NEUROG1: variants seen among roughly 807,000 people sequenced by gnomAD.
NEUROG1 encodes the protein neurogenin-1.
NEUROG1 carries 5 observed loss-of-function variants against 5.7 expected under a neutral mutation model. That is an observed-to-expected ratio of 0.88 (90% CI 0.46 to 1.85). The LOEUF (loss-of-function observed/expected upper bound fraction) is 1.85. Among genes scored for constraint, NEUROG1 ranks in the 40% most tolerant of loss-of-function variants. The pLI is 0.01. For missense variants in NEUROG1, 403 were observed against 345.7 expected (o/e 1.17, Z -1.32); for synonymous variants, 196 against 157.4 (o/e 1.25, Z -1.84).
chr5:135,535,473 C>A lies in NEUROG1; in HGVS notation c.218G>T (p.Arg73Leu). ...GCGGACCCGCGTCCGGCCGCGGCGC[C>A]GCCGCCTCTCCTGCTCGTCGTCCTG... ...GAQDDEQERR[R>L]RRGRTRVRSE... The change falls in exon 1 of 1, where the codon CGG (arginine) becomes CTG (leucine). Residue 73 changes from arginine to leucine, a missense_variant. By Grantham distance (102) the Arg-to-Leu change is moderately radical. Coordinates refer to ENST00000314744, the MANE Select transcript of NEUROG1 (RefSeq NM_006161.3). 6.4e-7 allele frequency: 1 copy of A among 1,565,106 alleles called. No homozygotes were observed.
rs778946606 is a variant in NEUROG1 at position 135,535,716 on chromosome 5, CAGAT to C, written c.-30_-27del. On this transcript the variant is annotated 5_prime_UTR_variant, in exon 1 of 1. Coordinates refer to ENST00000314744, the MANE Select transcript of NEUROG1 (RefSeq NM_006161.3). ...CGTTGCGCTGTGCAGGACCGACGGA[CAGAT>C]AGAAAGGCGCTCAGAGCGCTGCAGC... 5.3e-6 allele frequency: 8 copies of C among 1,497,160 alleles called. No individual in the cohort carries two copies. The East Asian group carries it at 1.2e-4, about 23-fold the overall frequency. The allele number at this position is 1,497,160 out of a possible 1,614,324, so 92.7% of individuals were successfully genotyped here.
Position 135,535,881 on chromosome 5 carries a change from C to G in NEUROG1, c.-191G>C. The G allele has an allele frequency of 2.0e-6, 1 of 495,416 alleles. No individual in the cohort carries two copies. Among genetic ancestry groups the G allele is most frequent in the Non-Finnish European group, 3.5e-6 (1 of 286,394 alleles). The allele number at this position is 495,416 out of a possible 1,614,324, so 30.7% of individuals were successfully genotyped here. ...AGAACTTGGCCTGGCCTCCTCGCCT[C>G]GCCTGCAGGGGCCACGCGCCCGGCC... On this transcript the variant is annotated 5_prime_UTR_variant, in exon 1 of 1. Coordinates refer to ENST00000314744, the MANE Select transcript of NEUROG1 (RefSeq NM_006161.3).
rs1742931989 is a variant in NEUROG1, at chr5:135,535,815, G to T, written c.-125C>A. Reference sequence around the variant, plus strand: ...AGCCTGGGGTTGTTACTCTGTGCCAGTTGCGGGTGCGAGAGCCTGGAAGGG... The same window carrying T: ...AGCCTGGGGTTGTTACTCTGTGCCATTTGCGGGTGCGAGAGCCTGGAAGGG... On this transcript the variant is annotated 5_prime_UTR_variant, in exon 1 of 1. It adds an upstream start codon to the 5' untranslated region. Transcript: ENST00000314744. The T allele has an allele frequency of 1.1e-6, 1 of 935,100 alleles. No homozygotes were observed. Among genetic ancestry groups the T allele is most frequent in the Non-Finnish European group, 1.5e-6 (1 of 650,478 alleles). The allele number at this position is 935,100 out of a possible 1,614,324, so 57.9% of individuals were successfully genotyped here.
rs1750486521 is a variant in NEUROG1, at chr5:135,534,343, C to T, written c.*634G>A. 3 of 152,556 alleles carry T rather than the reference C, an allele frequency of 2.0e-5. No individual in the cohort carries two copies. The South Asian group carries it at 6.2e-4, about 32-fold the overall frequency. 9.5% of individuals were successfully genotyped at this position (152,556 alleles called of 1,614,324 possible). ...TACAAAAATGTAAACTTTGATAGCTCATAATAGAATAAACTCTTTATGTAC... is the reference window on the plus strand; with the variant it reads ...TACAAAAATGTAAACTTTGATAGCTTATAATAGAATAAACTCTTTATGTAC... On this transcript the variant is annotated 3_prime_UTR_variant, in exon 1 of 1. Coordinates refer to ENST00000314744, the MANE Select transcript of NEUROG1 (RefSeq NM_006161.3).
Position 135,534,544 on chromosome 5 carries a change from C to T in NEUROG1, c.*433G>A, listed in dbSNP as rs1378710738. 6.1e-6 allele frequency: 1 copy of T among 164,832 alleles called. No homozygotes were observed. The highest frequency in any genetic ancestry group is 2.4e-5 in the African/African-American group (1 of 41,602). The allele number at this position is 164,832 out of a possible 1,614,324, so 10.2% of individuals were successfully genotyped here. On this transcript the variant is annotated 3_prime_UTR_variant, in exon 1 of 1. Coordinates refer to ENST00000314744, the MANE Select transcript of NEUROG1 (RefSeq NM_006161.3). ...CTTGTCTCTGCTTTTTAAGCCTTTT[C>T]ATTGTATTGTCAGCCGGCTCAAACC...
rs1346815631 is a variant in NEUROG1 at position 135,535,526 on chromosome 5, G to C, written c.165C>G (p.Ile55Met). 2 of 1,574,258 alleles carry C rather than the reference G, an allele frequency of 1.3e-6. No homozygotes were observed. Among genetic ancestry groups the C allele is most frequent in the Non-Finnish European group, 8.6e-7 (1 of 1,167,124 alleles). ...PAPARRGAPN[I>M]SRASEVPGAQ... ...CCCCTGGAACCTCAGACGCCCGGGA[G>C]ATATTGGGCGCGCCCCTGCGGGCCG... The change falls in exon 1 of 1, where the codon ATC becomes ATG. Residue 55 changes from isoleucine (I) to methionine (M), a missense_variant. Transcript: ENST00000314744.
Position 135,534,719 on chromosome 5 carries a change from G to T in NEUROG1, c.*258C>A. Reference sequence around the variant, plus strand: ...CTGAGCCAGTCACAAAGGAGGTTTTGTGGAGTTCAGAAAGTGCAAAAGGAA... The same window carrying T: ...CTGAGCCAGTCACAAAGGAGGTTTTTTGGAGTTCAGAAAGTGCAAAAGGAA... On this transcript the variant is annotated 3_prime_UTR_variant, in exon 1 of 1. Coordinates refer to ENST00000314744, the MANE Select transcript of NEUROG1 (RefSeq NM_006161.3). The T allele has an allele frequency of 2.0e-6, 1 of 498,554 alleles. No homozygotes were observed. The highest frequency in any genetic ancestry group is 3.5e-6 in the Non-Finnish European group (1 of 284,556). The allele number at this position is 498,554 out of a possible 1,614,324, so 30.9% of individuals were successfully genotyped here. A position where few individuals can be genotyped will look rare whatever the true frequency, so the allele number is the denominator to read the frequency against.
rs1250572363 is a variant in NEUROG1, at chr5:135,535,428, G to T, written c.263C>A (p.Ser88Ter). Residue 88 changes from serine to a stop codon, truncating the protein, a stop_gained, in exon 1 of 1, where the codon TCG (serine) becomes TAG (stop). Coordinates refer to ENST00000314744, the MANE Select transcript of NEUROG1 (RefSeq NM_006161.3). LOFTEE classifies it high-confidence loss of function. ...CTTGACGCGCCGGCTCCTGCGCAGCGAGTGCAGCAGCGCCTCGGAGCGGAC... is the reference window on the plus strand; with the variant it reads ...CTTGACGCGCCGGCTCCTGCGCAGCTAGTGCAGCAGCGCCTCGGAGCGGAC... ...TRVRSEALLH[S>*]LRRSRRVKAN... 2 of 1,593,504 alleles carry T rather than the reference G, an allele frequency of 1.3e-6. No homozygotes were observed. Among genetic ancestry groups the T allele is most frequent in the Non-Finnish European group, 1.7e-6 (2 of 1,170,890 alleles).
In NEUROG1 at chr5:135,535,493, G is replaced by T. The variant is rs1261229301; in HGVS notation, c.198C>A (p.Asp66Glu). ...GGCGCCGCCGCCTCTCCTGCTCGTC[G>T]TCCTGTGCCCCTGGAACCTCAGACG... ...SRASEVPGAQ[D>E]DEQERRRRRG... The change falls in exon 1 of 1, where the codon GAC (aspartate) becomes GAA (glutamate). Residue 66 changes from aspartate (D) to glutamate (E), a missense_variant. Physicochemically the swap from Asp to Glu is conservative, Grantham distance 45. Coordinates refer to ENST00000314744, the MANE Select transcript of NEUROG1 (RefSeq NM_006161.3). 6.4e-7 allele frequency: 1 copy of T among 1,572,868 alleles called. No homozygotes were observed. Among genetic ancestry groups the T allele is most frequent in the South Asian group, 1.2e-5 (1 of 86,146 alleles).
In NEUROG1 at chr5:135,535,397, G is replaced by C; in HGVS notation, c.294C>G (p.Asn98Lys). The C allele has an allele frequency of 6.2e-7, 1 of 1,608,876 alleles. No individual in the cohort carries two copies. The highest frequency in any genetic ancestry group is 8.5e-7 in the Non-Finnish European group (1 of 1,177,824). Reference sequence around the variant, plus strand: ...TGTGCATGCGGTTGCGCTCGCGATCGTTGGCCTTGACGCGCCGGCTCCTGC... The same window carrying C: ...TGTGCATGCGGTTGCGCTCGCGATCCTTGGCCTTGACGCGCCGGCTCCTGC... Reference protein sequence around the residue: ...SLRRSRRVKANDRERNRMHNL... With the variant: ...SLRRSRRVKAKDRERNRMHNL... Residue 98 changes from asparagine to lysine, a missense_variant, in exon 1 of 1, where the codon AAC (asparagine) becomes AAG (lysine). Physicochemically the swap from Asn to Lys is moderately conservative, Grantham distance 94 (BLOSUM62 0). Transcript: ENST00000314744.
At position 135,535,356 on chromosome 5, in the gene NEUROG1, A is replaced by C; in HGVS notation, c.335T>G (p.Leu112Arg). 2 of 1,613,162 alleles carry C rather than the reference A, an allele frequency of 1.2e-6. No homozygotes were observed. Among genetic ancestry groups the C allele is most frequent in the Non-Finnish European group, 1.7e-6 (2 of 1,179,558 alleles). The change falls in exon 1 of 1, where the codon CTG becomes CGG. Residue 112 changes from leucine to arginine, a missense_variant. Coordinates refer to ENST00000314744, the MANE Select transcript of NEUROG1 (RefSeq NM_006161.3). ...RNRMHNLNAA[L>R]DALRSVLPSF... is the part of the protein sequence containing the mutation. ...GGGCAGCACGCTGCGCAGTGCGTCCAGGGCCGCGTTCAAGTTGTGCATGCG... is the reference window on the plus strand; with the variant it reads ...GGGCAGCACGCTGCGCAGTGCGTCCCGGGCCGCGTTCAAGTTGTGCATGCG...
Position 135,535,798 on chromosome 5 carries a change from G to T in NEUROG1, c.-108C>A. The T allele has an allele frequency of 9.3e-7, 1 of 1,080,360 alleles. No individual in the cohort carries two copies. 66.9% of individuals were successfully genotyped at this position (1,080,360 alleles called of 1,614,324 possible). ...GCACTTACGTTCCCAACAGCCTGGG[G>T]TTGTTACTCTGTGCCAGTTGCGGGT... On this transcript the variant is annotated 5_prime_UTR_variant, in exon 1 of 1. Transcript: ENST00000314744.
chr5:135,534,851 C>CCCCG lies in NEUROG1; in HGVS notation c.*122_*125dup, dbSNP rs1750497935. 2 of 943,994 alleles carry CCCCG rather than the reference C, an allele frequency of 2.1e-6. No homozygotes were observed. Among genetic ancestry groups the CCCCG allele is most frequent in the Non-Finnish European group, 3.1e-6 (2 of 641,580 alleles). 58.5% of individuals were successfully genotyped at this position (943,994 alleles called of 1,614,324 possible). A position where few individuals can be genotyped will look rare whatever the true frequency, so the allele number is the denominator to read the frequency against. On this transcript the variant is annotated 3_prime_UTR_variant, in exon 1 of 1. Coordinates refer to ENST00000314744, the MANE Select transcript of NEUROG1 (RefSeq NM_006161.3). The stretch of plus-strand genomic sequence containing the variant: ...GCGACCTAACAAGCGGCTCAGGTAT[C>CCCCG]CCCGACTGCTTTAAAGCTCCCGCTT...
In NEUROG1 at chr5:135,534,854, C is replaced by T. The variant is rs1750498030; in HGVS notation, c.*123G>A. Reference sequence around the variant, plus strand: ...ACCTAACAAGCGGCTCAGGTATCCCCGACTGCTTTAAAGCTCCCGCTTCCT... The same window carrying T: ...ACCTAACAAGCGGCTCAGGTATCCCTGACTGCTTTAAAGCTCCCGCTTCCT... On this transcript the variant is annotated 3_prime_UTR_variant, in exon 1 of 1. Coordinates refer to ENST00000314744, the MANE Select transcript of NEUROG1 (RefSeq NM_006161.3). The T allele has an allele frequency of 8.1e-6, 8 of 987,046 alleles. No homozygotes were observed. The highest frequency in any genetic ancestry group is 3.0e-5 in the Admixed American group (1 of 33,700). 61.1% of individuals were successfully genotyped at this position (987,046 alleles called of 1,614,324 possible). A position where few individuals can be genotyped will look rare whatever the true frequency, so the allele number is the denominator to read the frequency against.
chr5:135,535,076 G>T lies in NEUROG1; in HGVS notation c.615C>A (p.Ser205=). The T allele has an allele frequency of 3.7e-6, 6 of 1,613,744 alleles. No individual in the cohort carries two copies. Among genetic ancestry groups the T allele is most frequent in the Non-Finnish European group, 5.1e-6 (6 of 1,179,870 alleles). Residue 205 remains serine, a synonymous_variant, in exon 1 of 1, where the codon TCC becomes TCA. Coordinates refer to ENST00000314744, the MANE Select transcript of NEUROG1 (RefSeq NM_006161.3). ...CGCCGGGGCGGTAGGTGAAGTCTTC[G>T]GAGGCGGCTGGGCTACTGGGGTCAG... ...PLSDPSSPAA[S]EDFTYRPGDP...
chr5:135,534,889 T>A lies in NEUROG1; in HGVS notation c.*88A>T. 1 of 1,362,094 alleles carries A rather than the reference T, an allele frequency of 7.3e-7. No homozygotes were observed. Among genetic ancestry groups the A allele is most frequent in the Non-Finnish European group, 1.0e-6 (1 of 998,324 alleles). 84.4% of individuals were successfully genotyped at this position (1,362,094 alleles called of 1,614,324 possible). ...AAAGCTCCCGCTTCCTCCCTCCGCC[T>A]GGAGAGGGGGTCCCGAGGCGGCAGC... On this transcript the variant is annotated 3_prime_UTR_variant, in exon 1 of 1. Coordinates refer to ENST00000314744, the MANE Select transcript of NEUROG1 (RefSeq NM_006161.3).
Position 135,535,450 on chromosome 5 carries a change from G to A in NEUROG1, c.241C>T (p.Arg81Cys), listed in dbSNP as rs1416004071. ...RRRRRGRTRV[R>C]SEALLHSLRR... ...AGCGAGTGCAGCAGCGCCTCGGAGC[G>A]GACCCGCGTCCGGCCGCGGCGCCGC... The change falls in exon 1 of 1, where the codon CGC (arginine) becomes TGC (cysteine). Residue 81 changes from arginine (R) to cysteine (C), a missense_variant. Coordinates refer to ENST00000314744, the MANE Select transcript of NEUROG1 (RefSeq NM_006161.3). The A allele has an allele frequency of 3.2e-6, 5 of 1,575,282 alleles. No individual in the cohort carries two copies. Among genetic ancestry groups the A allele is most frequent in the Non-Finnish European group, 4.3e-6 (5 of 1,163,810 alleles).
At position 135,535,502 on chromosome 5, in the gene NEUROG1, C is replaced by T. The variant is rs1750520633; in HGVS notation, c.189G>A (p.Gly63=). ...GCCTCTCCTGCTCGTCGTCCTGTGC[C>T]CCTGGAACCTCAGACGCCCGGGAGA... The part of the protein sequence containing the change: ...PNISRASEVP[G]AQDDEQERRR... Residue 63 remains glycine (G), a synonymous_variant, in exon 1 of 1, where the codon GGG becomes GGA. Transcript: ENST00000314744. The T allele has an allele frequency of 6.3e-7, 1 of 1,576,588 alleles. No homozygotes were observed.
In NEUROG1 at chr5:135,535,780, C is replaced by T; in HGVS notation, c.-90G>A. ...GGGCAGAGCCGCCAGGGCGCACTTACGTTCCCAACAGCCTGGGGTTGTTAC... is the reference window on the plus strand; with the variant it reads ...GGGCAGAGCCGCCAGGGCGCACTTATGTTCCCAACAGCCTGGGGTTGTTAC... On this transcript the variant is annotated 5_prime_UTR_variant, in exon 1 of 1. Coordinates refer to ENST00000314744, the MANE Select transcript of NEUROG1 (RefSeq NM_006161.3). The T allele has an allele frequency of 2.5e-6, 3 of 1,223,790 alleles. No homozygotes were observed. Among genetic ancestry groups the T allele is most frequent in the Non-Finnish European group, 3.4e-6 (3 of 895,420 alleles). 75.8% of individuals were successfully genotyped at this position (1,223,790 alleles called of 1,614,324 possible).
Sources: gnomAD v4.1 joint callset for allele counts on GRCh38, gnomAD v4.1.1 for gene constraint, MANE v1.5 for transcripts, NCBI Gene and HGNC (gene_info 2026-07-23, HGNC 2026-07-21) for gene names.